MYT1L: variants seen among roughly 807,000 people sequenced by gnomAD.
MYT1L encodes the protein myelin transcription factor 1 like.
Under a neutral mutation model 126.7 loss-of-function variants are expected in MYT1L, and 12 were observed. That is an observed-to-expected ratio of 0.09 (90% CI 0.06 to 0.15). The LOEUF (loss-of-function observed/expected upper bound fraction) is 0.15. Among genes scored for constraint, MYT1L ranks in the 10% least tolerant of loss-of-function variants. The probability of loss-of-function intolerance (pLI) is 1.00; values close to 1 mark genes in which losing one functional copy is unlikely to be tolerated. For synonymous variants in MYT1L, 541 were observed against 604.2 expected (o/e 0.90, Z 1.53); for missense variants, 979 against 1,585.2 (o/e 0.62, Z 6.49).
chr2:1,905,580 C>T (rs1416201970), intron 13 of MYT1L, among the ~76,000 whole-genome samples: 1 of 152,144 alleles, frequency 6.6e-6, no homozygotes, highest in Non-Finnish European at 1.5e-5. Context: ...TCTCCAACTC[C>T]TGACCTCAGG....
intron 18 of MYT1L, among the ~76,000 whole-genome samples, chr2:1,861,715 ATGTAATCCTGGATCTGTGTGCAGCCTG>A (rs2044654886): frequency 1.4e-5 from 2 of 141,814 alleles, no homozygotes; most frequent in African/African-American, 5.3e-5. Context: ...CCTGCAGCCT[ATGTAATCCTGGATCTGTGTGCAGCCTG>A]TGTAATCCTG....
At chr2:1,831,054 T>A (rs1016494477) in intron 21 of MYT1L, among the ~76,000 whole-genome samples, 8 of 152,350 alleles carry the variant, frequency 5.3e-5, no homozygotes, top group African/African-American at 1.9e-4. Flanking sequence ...CTGTGTGTCC[T>A]TGGCATGGCC....
At chr2:2,268,516 G>T (rs1480990285) in intron 2 of MYT1L, among the ~76,000 whole-genome samples, 2 of 151,950 alleles carry the variant, frequency 1.3e-5, no homozygotes, top group African/African-American at 4.8e-5. Flanking sequence ...ATAGTAATAC[G>T]TATAACAAAA....
At position 1,910,172 on chromosome 2, in the gene MYT1L, C is replaced by A. The variant is rs1573481623; in HGVS notation, c.1817+68G>T. 1.4e-6 allele frequency: 2 copies of A among 1,418,996 alleles called. No homozygotes were observed. Among genetic ancestry groups the A allele is most frequent in the Admixed American group, 3.5e-5 (2 of 57,294 alleles). 87.9% of individuals were successfully genotyped at this position (1,418,996 alleles called of 1,614,324 possible). ...GTAGGGACATGCCCTGAGCGGGTGT[C>A]CCCAGCGCTCCGAGGTGTGGGGCAG... On this transcript the variant is annotated intron_variant, in intron 13 of 24. Transcript: ENST00000647738. The surrounding 1 kb of genome is among the most constrained non-coding windows in gnomAD (Gnocchi z 4.8).
intron 18 of MYT1L, among the ~76,000 whole-genome samples, chr2:1,876,220 C>T (rs1290186492): frequency 6.6e-6 from 1 of 152,150 alleles, no homozygotes; most frequent in Non-Finnish European, 1.5e-5. Flanking sequence ...CCCAGAAAAT[C>T]GGATTCTGTG....
At position 1,912,844 on chromosome 2, in the gene MYT1L, G is replaced by A. The variant is rs1401430721; in HGVS notation, c.1619-734C>T. ...GAGCTGCTTGAATTTTCCCAGCAGT[G>A]GTGTTGGACCTGAATTATTTGTGTC... On this transcript the variant is annotated intron_variant, in intron 11 of 24. Transcript: ENST00000647738. This position sits in a 1 kb window ranked among gnomAD's most constrained non-coding sequence, Gnocchi z 4.3. Among the ~76,000 whole-genome samples, 1 of 152,132 alleles carries A rather than the reference G, an allele frequency of 6.6e-6. No individual in the cohort carries two copies. Among genetic ancestry groups the A allele is most frequent in the African/African-American group, 2.4e-5 (1 of 41,432 alleles).
intron 2 of MYT1L, among the ~76,000 whole-genome samples, chr2:2,280,207 T>C (rs1038771378): frequency 2.7e-4 from 41 of 152,354 alleles, no homozygotes; most frequent in African/African-American, 9.4e-4. Context: ...GCATATACTA[T>C]TCCTGCTTAT....
At chr2:1,870,800 G>T (rs776466301) in intron 18 of MYT1L, among the ~76,000 whole-genome samples, 2 of 152,232 alleles carry the variant, frequency 1.3e-5, no homozygotes, top group Admixed American at 6.5e-5. Flanking sequence ...TCTGTGAAAA[G>T]CAGCATTACA....
rs1170744380 is a variant in MYT1L, at chr2:1,848,145, C to G, written c.2774+3496G>C. 6.6e-6 allele frequency among the ~76,000 whole-genome samples: 1 copy of G among 152,220 alleles called. No homozygotes were observed. The highest frequency in any genetic ancestry group is 2.4e-5 in the African/African-American group (1 of 41,462). On this transcript the variant is annotated intron_variant, in intron 19 of 24. Transcript: ENST00000647738. The surrounding 1 kb of genome is among the most constrained non-coding windows in gnomAD (Gnocchi z 4.8). ...TGGAGGACAGCTCCTCACCCAGTTT[C>G]CCAGAATGGGCCCAGGAGAAGGCTG...
intron 1 of MYT1L, among the ~76,000 whole-genome samples, chr2:2,310,586 C>A (rs947727329): frequency 6.6e-6 from 1 of 152,194 alleles, no homozygotes; most frequent in African/African-American, 2.4e-5. Flanking sequence ...TAATTAGCTG[C>A]TAGAACCCTA....
chr2:2,274,206 T>A (rs541786082), intron 2 of MYT1L, among the ~76,000 whole-genome samples: 4 of 152,190 alleles, frequency 2.6e-5, no homozygotes, highest in Non-Finnish European at 5.9e-5. Context: ...TATCCTGATA[T>A]GATCATTGCA....
chr2:2,266,501 G>T (rs780114511), intron 2 of MYT1L, among the ~76,000 whole-genome samples: 4 of 152,154 alleles, frequency 2.6e-5, no homozygotes, highest in Admixed American at 6.5e-5. Context: ...GTGGGGTGGG[G>T]TGAGGGACCA....
In MYT1L at chr2:1,806,874, A is replaced by C. The variant is rs75124418; in HGVS notation, c.3172+2202T>G. ...TGTCTAAGGATTTCCACTTTAATCC[A>C]GGGTTATTCGGGGGTGAAATGCCCT... On this transcript the variant is annotated intron_variant, in intron 22 of 24. Transcript: ENST00000647738. This position sits in a 1 kb window ranked among gnomAD's most constrained non-coding sequence, Gnocchi z 4.9. Among the ~76,000 whole-genome samples the C allele has an allele frequency of 6.0e-4, 91 of 152,334 alleles. No homozygotes were observed. The East Asian group carries it at 0.016, about 27-fold the overall frequency.
intron 2 of MYT1L, among the ~76,000 whole-genome samples, chr2:2,198,137 T>C (rs762037114): frequency 6.6e-5 from 10 of 152,130 alleles, no homozygotes; most frequent in Non-Finnish European, 1.0e-4. Context: ...CTGGAGGTCA[T>C]AATGTTAAGT....
In MYT1L at chr2:1,866,370, G is replaced by A. The variant is rs1050341939; in HGVS notation, c.2712-14667C>T. Among the ~76,000 whole-genome samples the A allele has an allele frequency of 3.3e-5, 5 of 151,980 alleles. No individual in the cohort carries two copies. In the South Asian group the frequency reaches 6.3e-4, roughly 19 times the overall value. On this transcript the variant is annotated intron_variant, in intron 18 of 24. Coordinates refer to ENST00000647738, the MANE Select transcript of MYT1L (RefSeq NM_001303052.2). Reference sequence around the variant, plus strand: ...TAGGTGTGGATCATGATGGCCTTACGAAGATGAGAGAGAGAGAGGCAGTCA... The same window carrying A: ...TAGGTGTGGATCATGATGGCCTTACAAAGATGAGAGAGAGAGAGGCAGTCA...
intron 2 of MYT1L, among the ~76,000 whole-genome samples, chr2:2,211,831 A>C (rs1043022930): frequency 2.0e-4 from 29 of 143,340 alleles, no homozygotes; most frequent in East Asian, 5.9e-4. Flanking sequence ...ACCAAACAAA[A>C]AAAAAACTGA....
chr2:1,815,298 G>T (rs532162381), intron 21 of MYT1L, among the ~76,000 whole-genome samples: 9 of 152,306 alleles, frequency 5.9e-5, no homozygotes, highest in African/African-American at 1.9e-4. Context: ...GGATGTCTCT[G>T]CCACCTTCGC....
chr2:1,984,141 T>C (rs1407854735), intron 5 of MYT1L, among the ~76,000 whole-genome samples: 4 of 152,212 alleles, frequency 2.6e-5, no homozygotes, highest in African/African-American at 7.2e-5. Flanking sequence ...TTTAGTACTA[T>C]GATCTTCCTT....
chr2:2,210,021 T>G (rs1380796521), intron 2 of MYT1L, among the ~76,000 whole-genome samples: 1 of 152,250 alleles, frequency 6.6e-6, no homozygotes, highest in Admixed American at 6.5e-5. Flanking sequence ...CAGGTTTGAT[T>G]TGCATTTCTC....
Sources: gnomAD v4.1 joint callset for allele counts (sites outside exome capture counted in the v4.1 genomes callset) on GRCh38, gnomAD v4.1.1 for gene constraint, Gnocchi (gnomAD v3.1) non-coding constraint, MANE v1.5 for transcripts, NCBI Gene and HGNC (gene_info 2026-07-23, HGNC 2026-07-21) for gene names.